AKAP7: variants seen among roughly 807,000 people sequenced by gnomAD.
The protein encoded by AKAP7 is A-kinase anchoring protein 7.
A neutral mutation model predicts 39.5 loss-of-function variants in AKAP7; 39 were observed. The ratio of observed to expected loss-of-function variants is 0.99; its 90% CI spans 0.76 to 1.29. The LOEUF (loss-of-function observed/expected upper bound fraction) is 1.29, where lower values mean the gene tolerates loss of function less well. AKAP7 is among the 50% of genes most tolerant of loss of function. The pLI, the probability that AKAP7 is intolerant of heterozygous loss-of-function variation, is 0.00. For synonymous variants in AKAP7, 140 were observed against 139.1 expected (o/e 1.01, Z -0.05); for missense variants, 414 against 407.7 (o/e 1.02, Z -0.13).
At chr6:131,244,628 G>T (rs1811856516) in intron 7 of AKAP7, among the ~76,000 whole-genome samples, 1 of 152,168 alleles carries the variant, frequency 6.6e-6, no homozygotes, top group African/African-American at 2.4e-5. Flanking sequence ...ACATAGAAAA[G>T]AACTGACTGA....
chr6:131,180,864 G>T, intron 5 of AKAP7, among the ~76,000 whole-genome samples: 1 of 142,100 alleles, frequency 7.0e-6, no homozygotes, highest in African/African-American at 2.6e-5. Context: ...TTCTCTCAAT[G>T]TATCTTCTCA....
chr6:131,152,853 G>A, intron 2 of AKAP7, among the ~76,000 whole-genome samples: 1 of 150,032 alleles, frequency 6.7e-6, no homozygotes, highest in East Asian at 2.0e-4. Context: ...AAAAGTCCGG[G>A]CGCGCTGGCT....
chr6:131,160,116 G>A lies in AKAP7; in HGVS notation c.209G>A (p.Ser70Asn), dbSNP rs1216657218. 1 of 1,611,790 alleles carries A rather than the reference G, an allele frequency of 6.2e-7. No homozygotes were observed. Among genetic ancestry groups the A allele is most frequent in the East Asian group, 2.2e-5 (1 of 44,808 alleles). The change falls in exon 3 of 8, where the codon AGT (serine) becomes AAT (asparagine). Residue 70 changes from serine to asparagine, a missense_variant. Ser to Asn is a conservative substitution (Grantham distance 46, BLOSUM62 1). Transcript: ENST00000431975. ...AGTCAAGAAAATGAATGGGTCAAGAGTGATCAAGTAAAGAAGAGGAAAAAA... is the reference window on the plus strand; with the variant it reads ...AGTCAAGAAAATGAATGGGTCAAGAATGATCAAGTAAAGAAGAGGAAAAAA... ...KRSQENEWVK[S>N]DQVKKRKKKR...
At chr6:131,166,981 A>C (rs1803567984) in intron 4 of AKAP7, among the ~76,000 whole-genome samples, 1 of 152,174 alleles carries the variant, frequency 6.6e-6, no homozygotes, top group Non-Finnish European at 1.5e-5. Flanking sequence ...CTTGAGGTAG[A>C]TGTCACCTAA....
chr6:131,136,333 G>A (rs1376397758), intron 1 of AKAP7, among the ~76,000 whole-genome samples: 1 of 152,292 alleles, frequency 6.6e-6, no homozygotes, highest in East Asian at 1.9e-4. Context: ...TTGTGATAGA[G>A]CGAGTTAGGG....
chr6:131,127,635 C>G, the AKAP7 span, among the ~76,000 whole-genome samples: 1 of 152,074 alleles, frequency 6.6e-6, no homozygotes, highest in African/African-American at 2.4e-5. Flanking sequence ...AATTAAAATA[C>G]AAATAACAAA....
chr6:131,183,959 G>A (rs1380539923), intron 5 of AKAP7, among the ~76,000 whole-genome samples: 1 of 152,152 alleles, frequency 6.6e-6, no homozygotes, highest in Non-Finnish European at 1.5e-5. Context: ...CAGAGTGGAG[G>A]CAGAACAGAG....
At chr6:131,240,981 A>T (rs1462202968) in intron 7 of AKAP7, among the ~76,000 whole-genome samples, 2 of 152,144 alleles carry the variant, frequency 1.3e-5, no homozygotes, top group East Asian at 3.9e-4. Context: ...CCTCAGTTGG[A>T]AGTGCAGAAA....
chr6:131,242,260 A>G (rs1811686051), intron 7 of AKAP7: 1 of 922,678 alleles, frequency 1.1e-6, no homozygotes, highest in African/African-American at 1.8e-5. Context: ...TTTGGTACCA[A>G]AGAACCATAG....
chr6:131,251,462 A>G (rs1812440575), intron 7 of AKAP7, among the ~76,000 whole-genome samples: 1 of 152,192 alleles, frequency 6.6e-6, no homozygotes, highest in Admixed American at 6.5e-5. Context: ...CTTGATTCTA[A>G]TTTAAATAGG....
intron 7 of AKAP7, chr6:131,250,446 G>T (rs933567010): frequency 6.5e-7 from 1 of 1,534,782 alleles, no homozygotes. Context: ...TCTTCAAGCT[G>T]CCTGTGCTGC....
At chr6:131,158,092 A>C (rs748546781) in intron 2 of AKAP7, among the ~76,000 whole-genome samples, 3 of 152,264 alleles carry the variant, frequency 2.0e-5, no homozygotes, top group Admixed American at 2.0e-4. Flanking sequence ...TTAACTTAAA[A>C]TTGTTTACTA....
intron 2 of AKAP7, among the ~76,000 whole-genome samples, chr6:131,153,129 C>CAAAAAAA (rs527758381): frequency 9.0e-6 from 1 of 111,558 alleles, no homozygotes. Context: ...GACTCCATCT[C>CAAAAAAA]AAAAAAAAAA....
intron 5 of AKAP7, among the ~76,000 whole-genome samples, chr6:131,183,143 C>T (rs1428386273): frequency 1.3e-5 from 2 of 151,908 alleles, no homozygotes; most frequent in East Asian, 1.9e-4. Flanking sequence ...CAGGAACTAA[C>T]GAAAGGAAAA....
At chr6:131,261,225 A>AG (rs71750581) in intron 7 of AKAP7, among the ~76,000 whole-genome samples, 2 of 151,014 alleles carry the variant, frequency 1.3e-5, no homozygotes, top group Non-Finnish European at 3.0e-5. Flanking sequence ...AAAAAAAAAA[A>AG]GAATATTTTA....
intron 3 of AKAP7, among the ~76,000 whole-genome samples, chr6:131,161,644 C>CAAAAAAAAAAAAAAAAAAAAAAAA (rs55744190): frequency 1.2e-4 from 4 of 33,618 alleles, no homozygotes; most frequent in Non-Finnish European, 2.1e-4. Context: ...GACTGTATCT[C>CAAAAAAAAAAAAAAAAAAAAAAAA]AAAAAAAAAA....
intron 7 of AKAP7, among the ~76,000 whole-genome samples, chr6:131,278,111 A>G (rs937419338): frequency 6.6e-6 from 1 of 152,178 alleles, no homozygotes; most frequent in African/African-American, 2.4e-5. Context: ...TCAGTCATCA[A>G]TTCACTTGAC....
intron 3 of AKAP7, among the ~76,000 whole-genome samples, chr6:131,164,867 A>G (rs1803326405): frequency 6.6e-6 from 1 of 152,188 alleles, no homozygotes; most frequent in African/African-American, 2.4e-5. Flanking sequence ...GACAATCATC[A>G]TGCTTTAAAA....
chr6:131,257,489 A>T (rs949993830), intron 7 of AKAP7, among the ~76,000 whole-genome samples: 2 of 152,062 alleles, frequency 1.3e-5, no homozygotes, highest in African/African-American at 4.8e-5. Context: ...GACTTGCAGC[A>T]TTGATCTGCA....
Sources: gnomAD v4.1 joint callset for allele counts (sites outside exome capture counted in the v4.1 genomes callset) on GRCh38, gnomAD v4.1.1 for gene constraint, MANE v1.5 for transcripts, NCBI Gene and HGNC (gene_info 2026-07-23, HGNC 2026-07-21) for gene names.